The following MACROD1 variants were observed in gnomAD, a reference collection of about 807,000 sequenced individuals.
MACROD1 encodes ADP-ribose glycohydrolase MACROD1.
Under a neutral mutation model 41.4 loss-of-function variants are expected in MACROD1, and 31 were observed. The observed-to-expected ratio is 0.75, with a 90% CI of 0.56 to 1.01. The LOEUF is 1.01. Among genes scored for constraint, MACROD1 ranks in the 50% least tolerant of loss-of-function variants. MACROD1 has a pLI of 0.00. For synonymous variants in MACROD1, 252 were observed against 203.4 expected (o/e 1.24, Z -2.03); for missense variants, 473 against 460.0 (o/e 1.03, Z -0.26).
Position 64,146,884 on chromosome 11 carries a change from A to G in MACROD1, c.517+4355T>C, listed in dbSNP as rs1945503828. Among the ~76,000 whole-genome samples the G allele has an allele frequency of 6.6e-6, 1 of 151,294 alleles. No homozygotes were observed. The highest frequency in any genetic ancestry group is 1.9e-4 in the East Asian group (1 of 5,154). ...CACGCATCACACAAGCACAGACACA[A>G]ACATGCTACATCACAAACACACGCA... On this transcript the variant is annotated intron_variant, in intron 3 of 10. Coordinates refer to ENST00000255681, the MANE Select transcript of MACROD1 (RefSeq NM_014067.4). The surrounding 1 kb of genome is among the most constrained non-coding windows in gnomAD (Gnocchi z 4.7).
chr11:64,110,241 G>C (rs1174443321), intron 3 of MACROD1, among the ~76,000 whole-genome samples: 2 of 152,074 alleles, frequency 1.3e-5, no homozygotes, highest in African/African-American at 4.8e-5. Context: ...CTTGAGCCTA[G>C]GAGTTCAAGA....
chr11:64,027,250 CCA>C (rs934544507), intron 3 of MACROD1, among the ~76,000 whole-genome samples: 6 of 152,200 alleles, frequency 3.9e-5, no homozygotes, highest in Admixed American at 2.0e-4. Context: ...GATCCTTCTC[CCA>C]CAGTCATGGG....
rs1942801559 is a variant in MACROD1, at chr11:64,000,353, G to C, written c.548-10C>G. ...TGAATGCAGCCGTCCACTGCGGGAA[G>C]GGCGGGCGCGACTGAGCTGGCCTGG... is the stretch of plus-strand genomic sequence containing the variant. On this transcript the variant is annotated splice_polypyrimidine_tract_variant and intron_variant, in intron 4 of 10. Coordinates refer to ENST00000255681, the MANE Select transcript of MACROD1 (RefSeq NM_014067.4). The C allele has an allele frequency of 6.5e-7, 1 of 1,548,828 alleles. No homozygotes were observed. The highest frequency in any genetic ancestry group is 1.2e-5 in the South Asian group (1 of 84,108).
Position 64,067,291 on chromosome 11 carries a change from G to C in MACROD1, c.518-52010C>G, listed in dbSNP as rs961825528. Among the ~76,000 whole-genome samples the C allele has an allele frequency of 3.3e-5, 5 of 152,120 alleles. No individual in the cohort carries two copies. Among genetic ancestry groups the C allele is most frequent in the Non-Finnish European group, 5.9e-5 (4 of 68,010 alleles). ...GGGAGGGAAGGAGCATCATTAACAC[G>C]ACATGGCCTCCTCCCCACTGCTCAG... On this transcript the variant is annotated intron_variant, in intron 3 of 10. Transcript: ENST00000255681. This position sits in a 1 kb window ranked among gnomAD's most constrained non-coding sequence, Gnocchi z 4.6.
chr11:64,053,269 G>A (rs76546737), intron 3 of MACROD1, among the ~76,000 whole-genome samples: 1,901 of 152,262 alleles, frequency 0.012, 40 homozygotes, highest in African/African-American at 0.043. Flanking sequence ...CTTGGGCCTC[G>A]TTAGGAGGTA....
At chr11:63,999,949 G>C (rs1023210816) in intron 5 of MACROD1, 186 bp from the exon 6 acceptor site, 1 of 709,162 alleles carries the variant, frequency 1.4e-6, no homozygotes, top group African/African-American at 1.8e-5. Flanking sequence ...ACAGAGCCCC[G>C]CGCCCCCTCC....
At chr11:64,033,824 A>G (rs1472429610) in intron 3 of MACROD1, among the ~76,000 whole-genome samples, 1 of 152,014 alleles carries the variant, frequency 6.6e-6, no homozygotes, top group African/African-American at 2.4e-5. Flanking sequence ...CTGGGCGACA[A>G]GAGTGAAACG....
At chr11:64,111,110 C>G (rs752612044) in intron 3 of MACROD1, among the ~76,000 whole-genome samples, 1 of 152,256 alleles carries the variant, frequency 6.6e-6, no homozygotes, top group Non-Finnish European at 1.5e-5. Context: ...ATGCTGAGGC[C>G]TCTGAAGGCT....
chr11:63,999,292 G>C (rs320151), intron 8 of MACROD1, 39 bp downstream of exon 8: 1 of 1,542,560 alleles, frequency 6.5e-7, no homozygotes, highest in Non-Finnish European at 8.7e-7. Flanking sequence ...CACTCTGGCC[G>C]GGATGCGGAC....
chr11:64,018,445 G>A (rs1239684443), intron 3 of MACROD1, among the ~76,000 whole-genome samples: 1 of 152,208 alleles, frequency 6.6e-6, no homozygotes, highest in African/African-American at 2.4e-5. Context: ...GGGCCAGGCT[G>A]TGCAGGGGAA....
chr11:64,151,353 C>T lies in MACROD1; in HGVS notation c.403G>A (p.Val135Met). The T allele has an allele frequency of 6.2e-6, 10 of 1,612,238 alleles. No homozygotes were observed. The highest frequency in any genetic ancestry group is 8.5e-6 in the Non-Finnish European group (10 of 1,178,974). Reference protein sequence around the residue: ...IPTWKEMAKGVAVKVEEPRYK... With the variant: ...IPTWKEMAKGMAVKVEEPRYK... ...CTGGGCTCCTCCACCTTCACAGCCA[C>T]CCCTGGAACAAGTAGGGGCCGGGGA... Residue 135 changes from valine to methionine, a missense_variant and splice_region_variant, in exon 3 of 11, where the codon GTG becomes ATG. By Grantham distance (21) the Val-to-Met change is conservative (BLOSUM62 1). Coordinates refer to ENST00000255681, the MANE Select transcript of MACROD1 (RefSeq NM_014067.4).
At chr11:64,028,293 T>C (rs913404217) in intron 3 of MACROD1, among the ~76,000 whole-genome samples, 1 of 152,148 alleles carries the variant, frequency 6.6e-6, no homozygotes, top group South Asian at 2.1e-4. Flanking sequence ...TTATTACCCC[T>C]CCCAGGCCTT....
chr11:64,113,746 A>C (rs1652267130), intron 3 of MACROD1, among the ~76,000 whole-genome samples: 1 of 143,032 alleles, frequency 7.0e-6, no homozygotes, highest in South Asian at 2.3e-4. Flanking sequence ...TGATGGATGG[A>C]TGGATGGACG....
chr11:64,037,017 C>G (rs990909180), intron 3 of MACROD1, among the ~76,000 whole-genome samples: 12 of 152,292 alleles, frequency 7.9e-5, no homozygotes, highest in African/African-American at 2.6e-4. Context: ...CCCGGTGGCC[C>G]CGGGAGGTCT....
chr11:64,113,417 C>CACGG (rs113928065), intron 3 of MACROD1, among the ~76,000 whole-genome samples: 1 of 144,720 alleles, frequency 6.9e-6, no homozygotes. Flanking sequence ...CAGGTTGATG[C>CACGG]ATGGATGGAT....
chr11:64,126,612 C>T (rs1204947930), intron 3 of MACROD1, among the ~76,000 whole-genome samples: 2 of 152,102 alleles, frequency 1.3e-5, no homozygotes, highest in African/African-American at 2.4e-5. Context: ...TGGCACACAA[C>T]GTCATCCCCT....
chr11:64,120,202 G>A lies in MACROD1; in HGVS notation c.517+31037C>T, dbSNP rs1945074615. On this transcript the variant is annotated intron_variant, in intron 3 of 10. Coordinates refer to ENST00000255681, the MANE Select transcript of MACROD1 (RefSeq NM_014067.4). This position sits in a 1 kb window ranked among gnomAD's most constrained non-coding sequence, Gnocchi z 4.5. ...CGTGGAAAGTGGAAAAATGGGCACA[G>A]GCTCCCAGCACGGCCTGGGGGGGCT... Among the ~76,000 whole-genome samples the A allele has an allele frequency of 1.3e-5, 2 of 152,214 alleles. No individual in the cohort carries two copies. The highest frequency in any genetic ancestry group is 1.3e-4 in the Admixed American group (2 of 15,292).
intron 3 of MACROD1, among the ~76,000 whole-genome samples, chr11:64,059,419 T>TC (rs889638613): frequency 2.6e-5 from 4 of 151,914 alleles, no homozygotes; most frequent in Admixed American, 2.0e-4. Context: ...GGAAGAGATG[T>TC]CCCCCCAGGG....
intron 3 of MACROD1, among the ~76,000 whole-genome samples, chr11:64,058,010 C>T (rs1565213016): frequency 6.6e-6 from 1 of 152,226 alleles, no homozygotes; most frequent in Non-Finnish European, 1.5e-5. Flanking sequence ...GACAGCTGGC[C>T]TGCCACCATC....
Sources: gnomAD v4.1 joint callset for allele counts (sites outside exome capture counted in the v4.1 genomes callset) on GRCh38, gnomAD v4.1.1 for gene constraint, Gnocchi (gnomAD v3.1) non-coding constraint, MANE v1.5 for transcripts, NCBI Gene and HGNC (gene_info 2026-07-23, HGNC 2026-07-21) for gene names.